Variants in YPEL2 observed in about 807,000 individuals in gnomAD.
The protein encoded by YPEL2 is yippee like 2, also known as protein yippee-like 2.
Under a neutral mutation model 19.1 loss-of-function variants are expected in YPEL2, and 2 were observed. The ratio of observed to expected loss-of-function variants is 0.10; its 90% CI spans 0.04 to 0.33. The LOEUF (loss-of-function observed/expected upper bound fraction) is 0.33. YPEL2 is among the 10% of genes least tolerant of loss of function. The probability of loss-of-function intolerance (pLI) is 1.00; values close to 1 mark genes in which losing one functional copy is unlikely to be tolerated. For missense variants in YPEL2, 66 were observed against 140.7 expected, an observed-to-expected ratio of 0.47 and a Z score of 2.68; for synonymous variants, 52 against 50.0, an observed-to-expected ratio of 1.04 and a Z score of -0.17.
rs576605740 is a variant in YPEL2 at position 59,392,928 on chromosome 17, G to T, written c.270+3460G>T. Among the ~76,000 whole-genome samples, 6 of 152,318 alleles carry T rather than the reference G, an allele frequency of 3.9e-5. No homozygotes were observed. The East Asian group carries it at 7.7e-4, about 20-fold the overall frequency. On this transcript the variant is annotated intron_variant, in intron 4 of 4. Coordinates refer to ENST00000312655, the MANE Select transcript of YPEL2 (RefSeq NM_001005404.4). ...GTCTCCCAAAGTGCTGGGATTACAG[G>T]TGTGAGCCACCGCACCTGGCCCTCC... is the stretch of plus-strand genomic sequence containing the variant.
chr17:59,337,249 G>C (rs1048414301), intron 1 of YPEL2, among the ~76,000 whole-genome samples: 1 of 149,446 alleles, frequency 6.7e-6, no homozygotes, highest in African/African-American at 2.5e-5. Context: ...GTGCAGTGGT[G>C]CAATCTCGGC....
chr17:59,376,945 G>C (rs985586378), intron 2 of YPEL2, among the ~76,000 whole-genome samples: 2 of 74,020 alleles, frequency 2.7e-5, no homozygotes, highest in African/African-American at 1.4e-4. Context: ...GCAACACACT[G>C]TCTCAAAAAA....
intron 1 of YPEL2, among the ~76,000 whole-genome samples, chr17:59,340,639 A>T (rs553337650): frequency 1.9e-3 from 268 of 143,594 alleles, no homozygotes; most frequent in Admixed American, 2.9e-3. Flanking sequence ...ATGATCTCGA[A>T]CTCCTGACCT....
At position 59,335,779 on chromosome 17, in the gene YPEL2, C is replaced by T. The variant is rs138951589; in HGVS notation, c.-196+3955C>T. ...GTCCAGGCTGGTCTTGAACTCCTGACCTCAGGTGATCTGCCTGCCTCAGCC... is the reference window on the plus strand; with the variant it reads ...GTCCAGGCTGGTCTTGAACTCCTGATCTCAGGTGATCTGCCTGCCTCAGCC... On this transcript the variant is annotated intron_variant, in intron 1 of 4. Coordinates refer to ENST00000312655, the MANE Select transcript of YPEL2 (RefSeq NM_001005404.4). 5.8e-4 allele frequency among the ~76,000 whole-genome samples: 89 copies of T among 152,148 alleles called. 4 individuals are homozygous for T. In the East Asian group the frequency reaches 0.015, roughly 26 times the overall value.
At position 59,358,727 on chromosome 17, in the gene YPEL2, A is replaced by G. The variant is rs1166846101; in HGVS notation, c.117+5201A>G. On this transcript the variant is annotated intron_variant, in intron 2 of 4. Transcript: ENST00000312655. ...CAGGTTCAAGCGATTCTCCTGCCTC[A>G]GCCTCCTGCGTAGCTGGGATTATAG... Among the ~76,000 whole-genome samples the G allele has an allele frequency of 2.6e-5, 4 of 152,070 alleles. No homozygotes were observed. The East Asian group carries it at 7.7e-4, about 29-fold the overall frequency.
chr17:59,353,861 TC>T lies in YPEL2; in HGVS notation c.117+338del, dbSNP rs1362061966. On this transcript the variant is annotated intron_variant, in intron 2 of 4. Coordinates refer to ENST00000312655, the MANE Select transcript of YPEL2 (RefSeq NM_001005404.4). The surrounding 1 kb of genome is among the most constrained non-coding windows in gnomAD (Gnocchi z 4.8). The stretch of plus-strand genomic sequence containing the variant: ...TTGGCGGACGAAGAGTGAAGAGTGC[TC>T]CCTGCTCAGAAGGTGAATTCTGATA... The T allele has an allele frequency of 2.8e-6, 1 of 353,808 alleles. No individual in the cohort carries two copies. Among genetic ancestry groups the T allele is most frequent in the African/African-American group, 2.1e-5 (1 of 46,824 alleles). The allele number at this position is 353,808 out of a possible 1,614,324, so 21.9% of individuals were successfully genotyped here.
At chr17:59,394,920 C>G (rs1408489301) in intron 4 of YPEL2, among the ~76,000 whole-genome samples, 2 of 152,222 alleles carry the variant, frequency 1.3e-5, no homozygotes, top group Non-Finnish European at 2.9e-5. Flanking sequence ...AACCCCGTCT[C>G]CACCAAATAA....
chr17:59,382,814 G>A (rs895687193), intron 2 of YPEL2, among the ~76,000 whole-genome samples: 8 of 152,072 alleles, frequency 5.3e-5, no homozygotes, highest in South Asian at 2.1e-4. Context: ...TTTGGTTTTG[G>A]GTTTTTTCTG....
intron 2 of YPEL2, chr17:59,355,176 A>G (rs571761528): frequency 1.3e-5 from 2 of 152,290 alleles, no homozygotes; most frequent in South Asian, 4.1e-4. Context: ...CTTCATATGA[A>G]GTCTTTAAGG....
intron 4 of YPEL2, 53 bp from the exon 5 acceptor site, chr17:59,397,048 A>T (rs1486603438): frequency 2.1e-6 from 3 of 1,438,162 alleles, no homozygotes; most frequent in Non-Finnish European, 2.8e-6. Flanking sequence ...AAAAAAAATC[A>T]TTTTCTTGTC....
Position 59,353,396 on chromosome 17 carries a change from A to C in YPEL2, c.-14A>C. On this transcript the variant is annotated 5_prime_UTR_variant, in exon 2 of 5. Coordinates refer to ENST00000312655, the MANE Select transcript of YPEL2 (RefSeq NM_001005404.4). This position sits in a 1 kb window ranked among gnomAD's most constrained non-coding sequence, Gnocchi z 4.8. ...TGGGCTGCCCCAGAGTTCACCCCAC[A>C]CTCAGCAGCACCAATGGTGAAGATG... 6.4e-7 allele frequency: 1 copy of C among 1,562,060 alleles called. No homozygotes were observed. The highest frequency in any genetic ancestry group is 2.2e-5 in the East Asian group (1 of 44,564).
At chr17:59,346,278 C>T (rs771899677) in intron 1 of YPEL2, among the ~76,000 whole-genome samples, 6 of 152,302 alleles carry the variant, frequency 3.9e-5, no homozygotes, top group East Asian at 3.9e-4. Flanking sequence ...CCTACCCTCC[C>T]GTCCTTAAAG....
intron 2 of YPEL2, among the ~76,000 whole-genome samples, chr17:59,364,015 G>A (rs895423027): frequency 3.3e-5 from 5 of 152,124 alleles, no homozygotes; most frequent in East Asian, 1.9e-4. Flanking sequence ...TGCTCTGAAT[G>A]TCTGTAGAAC....
chr17:59,352,453 A>G (rs746604719), intron 1 of YPEL2, among the ~76,000 whole-genome samples: 29 of 152,202 alleles, frequency 1.9e-4, no homozygotes, highest in Non-Finnish European at 2.8e-4. Context: ...CTATGGGATG[A>G]GTAATGGAAA....
At chr17:59,361,395 T>C (rs187866512) in intron 2 of YPEL2, among the ~76,000 whole-genome samples, 3 of 152,364 alleles carry the variant, frequency 2.0e-5, no homozygotes, top group African/African-American at 7.2e-5. Context: ...TGGGAGATAA[T>C]AGATTCATGT....
chr17:59,335,988 A>T (rs1038637709), intron 1 of YPEL2, among the ~76,000 whole-genome samples: 5 of 152,102 alleles, frequency 3.3e-5, no homozygotes, highest in Non-Finnish European at 7.3e-5. Flanking sequence ...TCTTCAAAGC[A>T]CTTTAATACC....
At chr17:59,367,235 T>C (rs774140716) in intron 2 of YPEL2, among the ~76,000 whole-genome samples, 3 of 151,994 alleles carry the variant, frequency 2.0e-5, no homozygotes, top group Non-Finnish European at 4.4e-5. Flanking sequence ...ACAGGCAAAA[T>C]CTCCTCCTGG....
At chr17:59,343,468 AAAATT>A (rs1160231398) in intron 1 of YPEL2, among the ~76,000 whole-genome samples, 19 of 152,074 alleles carry the variant, frequency 1.2e-4, no homozygotes, top group Admixed American at 3.9e-4. Flanking sequence ...ATTCCAGAGA[AAAATT>A]AAGTTTTTTG....
At chr17:59,389,838 C>T (rs993823287) in intron 4 of YPEL2, among the ~76,000 whole-genome samples, 4 of 151,842 alleles carry the variant, frequency 2.6e-5, no homozygotes, top group African/African-American at 9.7e-5. Flanking sequence ...AATAGTATGT[C>T]CAAGGCAATC....
Sources: gnomAD v4.1 joint callset for allele counts (sites outside exome capture counted in the v4.1 genomes callset) on GRCh38, gnomAD v4.1.1 for gene constraint, Gnocchi (gnomAD v3.1) non-coding constraint, MANE v1.5 for transcripts, NCBI Gene and HGNC (gene_info 2026-07-23, HGNC 2026-07-21) for gene names.